Variants in NAV1 observed in about 807,000 individuals in gnomAD.
NAV1 encodes neuron navigator 1.
Under a neutral mutation model 175.2 loss-of-function variants are expected in NAV1, and 18 were observed. That is an observed-to-expected ratio of 0.10 (90% CI 0.07 to 0.15). The LOEUF (loss-of-function observed/expected upper bound fraction) is 0.15. Among genes scored for constraint, NAV1 ranks in the 10% least tolerant of loss-of-function variants. The pLI, the probability that NAV1 is intolerant of heterozygous loss-of-function variation, is 1.00. For missense variants in NAV1, 1,731 were observed against 2,436.6 expected, an observed-to-expected ratio of 0.71 and a Z score of 6.10; for synonymous variants, 897 against 978.7, an observed-to-expected ratio of 0.92 and a Z score of 1.56.
chr1:201,656,176 C>G (rs1458615622), intron 1 of NAV1, among the ~76,000 whole-genome samples: 2 of 152,272 alleles, frequency 1.3e-5, no homozygotes, highest in African/African-American at 2.4e-5. Context: ...CCTGAGCCAT[C>G]CTGGAATCTA....
chr1:201,809,024 A>C (rs1678511896), intron 20 of NAV1, 140 bp from the exon 25 acceptor site: 7 of 1,277,188 alleles, frequency 5.5e-6, no homozygotes, highest in Middle Eastern at 2.1e-4. Flanking sequence ...ATGGTCCTTC[A>C]ACCTTAACTA....
chr1:201,825,209 T>C (rs966162334), exon 30 of NAV1: 1 of 152,122 alleles, frequency 6.6e-6, no homozygotes, highest in Non-Finnish European at 1.5e-5. Context: ...TGGAAATTAC[T>C]ACCTGGCACA....
rs759969599 is a variant in NAV1 at position 201,808,185 on chromosome 1, T to TA, written c.3845+37dup. 23 of 1,609,244 alleles carry TA rather than the reference T, an allele frequency of 1.4e-5. No individual in the cohort carries two copies. Among genetic ancestry groups the TA allele is most frequent in the Non-Finnish European group, 2.0e-5 (23 of 1,176,338 alleles). On this transcript the variant is annotated intron_variant, in intron 18 of 29. Coordinates refer to ENST00000367296, the Ensembl canonical transcript of NAV1. This position sits in a 1 kb window ranked among gnomAD's most constrained non-coding sequence, Gnocchi z 5.5. ...TTTGGCTCCCTGCCACCCAGCCTGT[T>TA]ACCAGTGTAAGCTGTGGGCTAGAGT...
chr1:201,588,364 A>G (rs2102207773), intron 1 of NAV1, among the ~76,000 whole-genome samples, 175 bp from the exon 2 acceptor site: 1 of 152,192 alleles, frequency 6.6e-6, no homozygotes, highest in Admixed American at 6.6e-5. Flanking sequence ...GTTTGTTTTT[A>G]AGAGATAGGG....
Position 201,747,010 on chromosome 1 carries a change from G to T in NAV1, c.1226+28255G>T, listed in dbSNP as rs58059867. Among the ~76,000 whole-genome samples, 550 of 149,286 alleles carry T rather than the reference G, an allele frequency of 3.7e-3. 2 individuals are homozygous for T. The highest frequency in any genetic ancestry group is 0.013 in the African/African-American group (533 of 40,602). On this transcript the variant is annotated intron_variant, in intron 3 of 29. Coordinates refer to ENST00000367296, the Ensembl canonical transcript of NAV1. ...CCCTGTCTCAAAAAAAAAAAAAAAT[G>T]AAGAAATTTGGAGACACTATTCAGG...
At chr1:201,630,527 G>T (rs1320142136) in intron 2 of NAV1, among the ~76,000 whole-genome samples, 3 of 152,148 alleles carry the variant, frequency 2.0e-5, no homozygotes, top group African/African-American at 7.2e-5. Context: ...TCCCTTCTTG[G>T]CCTGGGAGCT....
intron 2 of NAV1, among the ~76,000 whole-genome samples, chr1:201,607,896 G>GTT (rs1667734342): frequency 1.3e-5 from 2 of 151,282 alleles, no homozygotes. Flanking sequence ...GTGTGTGTGT[G>GTT]TGTGTGTGTG....
rs569573498 is a variant in NAV1, at chr1:201,787,609, T to C, written c.2996-859T>C. 1.4e-4 allele frequency: 63 copies of C among 453,986 alleles called. No individual in the cohort carries two copies. Among genetic ancestry groups the C allele is most frequent in the Admixed American group, 6.6e-4 (28 of 42,356 alleles). The allele number at this position is 453,986 out of a possible 1,614,324, so 28.1% of individuals were successfully genotyped here. Reference sequence around the variant, plus strand: ...GGCTAAGCAATAATTACCTCAGGAATTTGAAAAGGTCAACAGAGAGGTGTG... The same window carrying C: ...GGCTAAGCAATAATTACCTCAGGAACTTGAAAAGGTCAACAGAGAGGTGTG... On this transcript the variant is annotated intron_variant, in intron 9 of 29. Transcript: ENST00000367296. This position sits in a 1 kb window ranked among gnomAD's most constrained non-coding sequence, Gnocchi z 4.3.
At chr1:201,562,158 C>A (rs1184772905) in intron 1 of NAV1, among the ~76,000 whole-genome samples, 1 of 149,038 alleles carries the variant, frequency 6.7e-6, no homozygotes, top group East Asian at 2.0e-4. Flanking sequence ...GCACACACCA[C>A]CTTGCCTGGC....
chr1:201,647,201 G>A (rs139697256), upstream of NAV1, among the ~76,000 whole-genome samples: 2 of 152,304 alleles, frequency 1.3e-5, no homozygotes, highest in African/African-American at 2.4e-5. Context: ...ATTTGAGGAT[G>A]GGCAGTGTCC....
chr1:201,682,333 C>T (rs969013451), intron 1 of NAV1, among the ~76,000 whole-genome samples: 3 of 151,894 alleles, frequency 2.0e-5, no homozygotes, highest in African/African-American at 2.4e-5. Flanking sequence ...TCCCCCACCC[C>T]TACCGCAGCC....
At chr1:201,767,980 G>A (rs1675316441) in intron 3 of NAV1, among the ~76,000 whole-genome samples, 1 of 152,204 alleles carries the variant, frequency 6.6e-6, no homozygotes, top group African/African-American at 2.4e-5. Context: ...GGGACAGGTT[G>A]TCATTTCTTT....
chr1:201,596,832 T>C (rs1667361475), intron 2 of NAV1, among the ~76,000 whole-genome samples: 1 of 152,028 alleles, frequency 6.6e-6, no homozygotes, highest in East Asian at 1.9e-4. Flanking sequence ...TTTGTTTGTT[T>C]GTTTGTTTCT....
At chr1:201,677,281 G>A (rs1670288895) in intron 1 of NAV1, among the ~76,000 whole-genome samples, 1 of 151,088 alleles carries the variant, frequency 6.6e-6, no homozygotes, top group African/African-American at 2.4e-5. Context: ...AATTGCTGGC[G>A]GCTGGCATCC....
At chr1:201,729,496 C>T (rs1267180486) in intron 3 of NAV1, among the ~76,000 whole-genome samples, 1 of 151,978 alleles carries the variant, frequency 6.6e-6, no homozygotes, top group Non-Finnish European at 1.5e-5. Flanking sequence ...CAAAAATTAG[C>T]TGGGCGTGGT....
rs1272116004 is a variant in NAV1 at position 201,740,598 on chromosome 1, G to A, written c.1226+21843G>A. 6.6e-6 allele frequency among the ~76,000 whole-genome samples: 1 copy of A among 152,164 alleles called. No homozygotes were observed. The highest frequency in any genetic ancestry group is 1.5e-5 in the Non-Finnish European group (1 of 68,022). On this transcript the variant is annotated intron_variant, in intron 3 of 29. Coordinates refer to ENST00000367296, the Ensembl canonical transcript of NAV1. This position sits in a 1 kb window ranked among gnomAD's most constrained non-coding sequence, Gnocchi z 4.7. ...TGAAAGGAGGTGGTGGGAGGCGGAA[G>A]GATGAAACGGGGGAGGGAGGGGACG...
intron 1 of NAV1, among the ~76,000 whole-genome samples, chr1:201,579,825 A>C (rs762891738): frequency 6.6e-6 from 1 of 152,188 alleles, no homozygotes; most frequent in Admixed American, 6.5e-5. Context: ...GATACACGAG[A>C]GGGGATTTAC....
At chr1:201,699,299 GACAA>G (rs1259118903) in intron 1 of NAV1, among the ~76,000 whole-genome samples, 12 of 152,112 alleles carry the variant, frequency 7.9e-5, no homozygotes, top group Non-Finnish European at 1.8e-4. Context: ...ACCAATAACA[GACAA>G]ACAGAGAGCC....
chr1:201,604,931 T>C (rs1667633557), intron 2 of NAV1, among the ~76,000 whole-genome samples: 1 of 152,210 alleles, frequency 6.6e-6, no homozygotes, highest in African/African-American at 2.4e-5. Context: ...TGTAGTATTT[T>C]CTTGCAGAAT....
Sources: allele counts gnomAD v4.1 joint callset (sites outside exome capture counted in the v4.1 genomes callset), GRCh38; gene constraint gnomAD v4.1.1; non-coding constraint Gnocchi (gnomAD v3.1); transcripts MANE v1.5; gene names NCBI Gene and HGNC (gene_info 2026-07-23, HGNC 2026-07-21).